Variants in NTM observed in about 807,000 individuals in gnomAD.
NTM encodes the protein IgLON family member 2.
A neutral mutation model predicts 42.1 loss-of-function variants in NTM; 13 were observed. The ratio of observed to expected loss-of-function variants is 0.31; its 90% CI spans 0.20 to 0.49. The LOEUF (loss-of-function observed/expected upper bound fraction) is 0.49, where lower values mean the gene tolerates loss of function less well. Ranked by LOEUF, NTM falls within the 20% of genes least tolerant of loss-of-function variation. The probability of loss-of-function intolerance (pLI) is 0.99; values close to 1 mark genes in which losing one functional copy is unlikely to be tolerated. For missense variants in NTM, 373 were observed against 452.8 expected (o/e 0.82, Z 1.60); for synonymous variants, 187 against 179.2 (o/e 1.04, Z -0.35).
chr11:131,688,574 C>G (rs789531), intron 1 of NTM, among the ~76,000 whole-genome samples: 2 of 152,208 alleles, frequency 1.3e-5, no homozygotes, highest in African/African-American at 4.8e-5. Context: ...TCTGGCTGCC[C>G]CCTCTGTGCC....
chr11:132,014,271 A>G (rs2072901851), intron 2 of NTM, among the ~76,000 whole-genome samples: 1 of 150,994 alleles, frequency 6.6e-6, no homozygotes, highest in Non-Finnish European at 1.5e-5. Flanking sequence ...TAGATGCCAC[A>G]TTTTCTTTAT....
intron 6 of NTM, 119 bp from the exon 7 acceptor site, chr11:132,314,433 G>T: frequency 2.7e-6 from 3 of 1,103,562 alleles, no homozygotes; most frequent in South Asian, 3.3e-5. Context: ...TCAAATAATG[G>T]TTATAATGAT....
At chr11:132,054,323 A>G (rs1405679092) in intron 2 of NTM, among the ~76,000 whole-genome samples, 1 of 152,272 alleles carries the variant, frequency 6.6e-6, no homozygotes, top group African/African-American at 2.4e-5. Flanking sequence ...TGGACTCCAC[A>G]GGAGACTCAG....
chr11:131,717,390 G>A (rs2077821893), intron 1 of NTM, among the ~76,000 whole-genome samples: 2 of 152,100 alleles, frequency 1.3e-5, no homozygotes, highest in African/African-American at 4.8e-5. Flanking sequence ...ATTTATATAG[G>A]TCTTTAATTT....
intron 4 of NTM, among the ~76,000 whole-genome samples, chr11:132,243,599 G>A (rs2090581912): frequency 6.6e-6 from 1 of 152,172 alleles, no homozygotes; most frequent in African/African-American, 2.4e-5. Context: ...GCCCATGCCT[G>A]GAGCAGGGGG....
At chr11:132,027,372 A>G (rs891319750) in intron 2 of NTM, among the ~76,000 whole-genome samples, 6 of 152,218 alleles carry the variant, frequency 3.9e-5, no homozygotes, top group African/African-American at 1.2e-4. Flanking sequence ...TTTCTTAACG[A>G]TATCATTTTC....
At chr11:131,459,763 C>T (rs140523083) in intron 1 of NTM, among the ~76,000 whole-genome samples, 12 of 152,070 alleles carry the variant, frequency 7.9e-5, no homozygotes, top group African/African-American at 2.7e-4. Flanking sequence ...GGAGGAAGGC[C>T]TTAGTCTTCA....
At chr11:131,614,244 T>G (rs2061707955) in intron 1 of NTM, among the ~76,000 whole-genome samples, 1 of 152,140 alleles carries the variant, frequency 6.6e-6, no homozygotes, top group Non-Finnish European at 1.5e-5. Context: ...TGGACAGGGC[T>G]CTACTTCTAG....
chr11:132,161,706 T>G (rs991171962), intron 3 of NTM, among the ~76,000 whole-genome samples: 26 of 152,008 alleles, frequency 1.7e-4, no homozygotes, highest in African/African-American at 6.3e-4. Context: ...GTGTCCGCTT[T>G]CTTCCCCGTG....
intron 1 of NTM, among the ~76,000 whole-genome samples, chr11:131,504,579 C>T (rs1346360630): frequency 6.6e-6 from 1 of 152,132 alleles, no homozygotes; most frequent in Non-Finnish European, 1.5e-5. Flanking sequence ...GTTCTCTCAC[C>T]CACAGATGGT....
chr11:132,069,755 GC>G (rs1205332734), intron 2 of NTM, among the ~76,000 whole-genome samples: 1 of 150,116 alleles, frequency 6.7e-6, no homozygotes, highest in East Asian at 2.0e-4. Flanking sequence ...ACGTCACACA[GC>G]CAAGTTAACA....
intron 1 of NTM, among the ~76,000 whole-genome samples, chr11:131,568,085 C>T (rs1038750397): frequency 2.0e-5 from 3 of 152,224 alleles, no homozygotes; most frequent in Non-Finnish European, 4.4e-5. Context: ...ATCCTCTCGA[C>T]AGCCGAAGGA....
At chr11:132,239,739 T>A (rs1191575915) in intron 4 of NTM, among the ~76,000 whole-genome samples, 1 of 152,166 alleles carries the variant, frequency 6.6e-6, no homozygotes, top group Non-Finnish European at 1.5e-5. Flanking sequence ...GTGTGAGGGG[T>A]GTGTGTGCAT....
chr11:131,410,166 G>A lies in NTM; in HGVS notation c.82+39278G>A, dbSNP rs543330126. Among the ~76,000 whole-genome samples the A allele has an allele frequency of 9.3e-4, 142 of 152,118 alleles. 2 individuals carry two copies. The highest frequency in any genetic ancestry group is 4.1e-4 in the Non-Finnish European group (28 of 67,994). On this transcript the variant is annotated intron_variant, in intron 1 of 8. Coordinates refer to ENST00000683400, the MANE Select transcript of NTM (RefSeq NM_001352005.2). ...GTTTGGATGCAGATCTATAAATGTG[G>A]CCAGAAAATCCAAACTAGTTCCATC... is the stretch of plus-strand genomic sequence containing the variant.
chr11:132,003,724 G>A lies in NTM; in HGVS notation c.167+92076G>A, dbSNP rs1213690941. ...CACATGGAGCCCACTCTTTCCCATG[G>A]TACAAAACCCTCCTTAATTGCCTCC... is the stretch of plus-strand genomic sequence containing the variant. On this transcript the variant is annotated intron_variant, in intron 2 of 8. Coordinates refer to ENST00000683400, the MANE Select transcript of NTM (RefSeq NM_001352005.2). The surrounding 1 kb of genome is among the most constrained non-coding windows in gnomAD (Gnocchi z 6.0). Among the ~76,000 whole-genome samples the A allele has an allele frequency of 1.3e-5, 2 of 152,044 alleles. No homozygotes were observed.
At chr11:131,856,430 C>T (rs2046106368) in intron 1 of NTM, among the ~76,000 whole-genome samples, 1 of 152,112 alleles carries the variant, frequency 6.6e-6, no homozygotes, top group Admixed American at 6.5e-5. Context: ...AATATCTCAC[C>T]AAAATTATAT....
chr11:131,699,662 T>C (rs897212638), intron 1 of NTM, among the ~76,000 whole-genome samples: 1 of 151,960 alleles, frequency 6.6e-6, no homozygotes, highest in African/African-American at 2.4e-5. Context: ...CTTACAATCA[T>C]GGAGGAAGGG....
chr11:131,427,425 GA>G (rs1948247861), intron 1 of NTM, among the ~76,000 whole-genome samples: 1 of 152,134 alleles, frequency 6.6e-6, no homozygotes, highest in African/African-American at 2.4e-5. Flanking sequence ...CAAGAAAGAA[GA>G]AAATGACCAC....
chr11:131,746,070 C>T (rs556369506), intron 1 of NTM, among the ~76,000 whole-genome samples: 11 of 152,130 alleles, frequency 7.2e-5, no homozygotes, highest in African/African-American at 2.6e-4. Flanking sequence ...GCCTGGCCAT[C>T]GTCCGTCTGT....
Sources: allele counts gnomAD v4.1 joint callset (sites outside exome capture counted in the v4.1 genomes callset), GRCh38; gene constraint gnomAD v4.1.1; non-coding constraint Gnocchi (gnomAD v3.1); transcripts MANE v1.5; gene names NCBI Gene and HGNC (gene_info 2026-07-23, HGNC 2026-07-21).